Variants in C10orf90 observed in about 807,000 individuals in gnomAD.
The protein encoded by C10orf90 is (E2-independent) E3 ubiquitin-conjugating enzyme FATS.
Under a neutral mutation model 62.5 loss-of-function variants are expected in C10orf90, and 56 were observed. The observed-to-expected ratio is 0.90, with a 90% CI of 0.72 to 1.12. The LOEUF (loss-of-function observed/expected upper bound fraction) is 1.12, where lower values mean the gene tolerates loss of function less well. Ranked by LOEUF, C10orf90 falls within the 50% of genes most tolerant of loss-of-function variation. The pLI is 0.00. For synonymous variants in C10orf90, 386 were observed against 340.4 expected, an observed-to-expected ratio of 1.13 and a Z score of -1.47; for missense variants, 970 against 880.4, an observed-to-expected ratio of 1.10 and a Z score of -1.29.
rs1248228100 is a variant in C10orf90, at chr10:126,425,868, A to T, written c.2387T>A (p.Val796Asp). ...LLDQLLQRNA[V>D] Reference sequence around the variant, plus strand: ...GGTCAGCAGGGCAGCCTGTGGTTAGACCGCATTCCTTTGAAGGAGCTGGTC... The same window carrying T: ...GGTCAGCAGGGCAGCCTGTGGTTAGTCCGCATTCCTTTGAAGGAGCTGGTC... The change falls in exon 10 of 10, where the codon GTC becomes GAC. Residue 796 changes from valine (V) to aspartate (D), a missense_variant. Transcript: ENST00000488181. 2 of 1,614,074 alleles carry T rather than the reference A, an allele frequency of 1.2e-6. No individual in the cohort carries two copies. The highest frequency in any genetic ancestry group is 2.2e-5 in the East Asian group (1 of 44,852).
At chr10:126,619,231 C>T (rs1408168656) in intron 2 of C10orf90, among the ~76,000 whole-genome samples, 1 of 152,148 alleles carries the variant, frequency 6.6e-6, no homozygotes, top group Non-Finnish European at 1.5e-5. Flanking sequence ...CTCATTAATG[C>T]CTATTCAGAA....
rs149866472 is a variant in C10orf90 at position 126,504,301 on chromosome 10, C to A, written c.1190G>T (p.Arg397Ile). The change falls in exon 4 of 10, where the codon AGA becomes ATA. Residue 397 changes from arginine (R) to isoleucine (I), a missense_variant. Physicochemically the swap from Arg to Ile is moderately conservative, Grantham distance 97 (BLOSUM62 -3). Transcript: ENST00000488181. The surrounding 1 kb of genome is among the most constrained non-coding windows in gnomAD (Gnocchi z 4.1). ...GCCATCTACTCCATCTGCTGTTAAT[C>A]TGTGGGAACTACAATTGAGGTTGAG... ...LSLNLNCSSH[R>I]LTADGVDGLV... 74 of 1,614,110 alleles carry A rather than the reference C, an allele frequency of 4.6e-5. 1 individual carries two copies. In the South Asian group the frequency reaches 7.7e-4, roughly 17 times the overall value.
intron 1 of C10orf90, among the ~76,000 whole-genome samples, chr10:126,647,510 A>T (rs980016029): frequency 2.9e-4 from 44 of 152,324 alleles, no homozygotes; most frequent in Middle Eastern, 3.4e-3. Context: ...GCAGAGGGGA[A>T]TCTGTAGTCA....
chr10:126,524,481 T>C (rs1277909608), intron 2 of C10orf90: 1 of 321,960 alleles, frequency 3.1e-6, no homozygotes, highest in Non-Finnish European at 4.5e-6. Flanking sequence ...GGAATCCTGC[T>C]GGGAAGACTA....
chr10:126,662,021 T>G (rs1846525205), intron 1 of C10orf90, among the ~76,000 whole-genome samples: 1 of 152,094 alleles, frequency 6.6e-6, no homozygotes, highest in Admixed American at 6.6e-5. Flanking sequence ...TTTGAATGTT[T>G]AGTAATTTTG....
At chr10:126,495,264 C>T (rs10901618) in intron 4 of C10orf90, among the ~76,000 whole-genome samples, 37,328 of 152,100 alleles carry the variant, frequency 0.25, 5,080 homozygotes, top group East Asian at 0.48. Context: ...TGGCTCACAC[C>T]TGTAATCCTG....
At chr10:126,567,764 T>C (rs1012885159) in intron 2 of C10orf90, among the ~76,000 whole-genome samples, 1 of 152,042 alleles carries the variant, frequency 6.6e-6, no homozygotes, top group Non-Finnish European at 1.5e-5. Context: ...AACGCCAGAC[T>C]GGAGCAGGTG....
chr10:126,468,008 TC>T (rs1860381240), intron 4 of C10orf90, among the ~76,000 whole-genome samples: 1 of 151,916 alleles, frequency 6.6e-6, no homozygotes, highest in African/African-American at 2.4e-5. Context: ...CTCTTAATTT[TC>T]CCACCTATGT....
rs57184741 is a variant in C10orf90, at chr10:126,455,535, A to G, written c.2188+3505T>C. Among the ~76,000 whole-genome samples, 564 of 152,310 alleles carry G rather than the reference A, an allele frequency of 3.7e-3. 5 individuals are homozygous for G. Among genetic ancestry groups the G allele is most frequent in the African/African-American group, 0.013 (547 of 41,578 alleles). ...CCTAGCACTGTGTGGGTTCTCAAAC[A>G]AGGTACGCTGAAGAGATGGACAAAG... On this transcript the variant is annotated intron_variant, in intron 7 of 9. Coordinates refer to ENST00000488181, the MANE Select transcript of C10orf90 (RefSeq NM_001350921.2).
At chr10:126,483,809 A>G (rs1861285119) in intron 4 of C10orf90, among the ~76,000 whole-genome samples, 1 of 152,070 alleles carries the variant, frequency 6.6e-6, no homozygotes, top group Non-Finnish European at 1.5e-5. Context: ...CTAAACTTCC[A>G]ATACCATATT....
chr10:126,550,954 G>T (rs921582279), intron 2 of C10orf90, among the ~76,000 whole-genome samples: 3 of 152,304 alleles, frequency 2.0e-5, no homozygotes, highest in Admixed American at 1.3e-4. Flanking sequence ...TCCCTCTGAG[G>T]ATAACAGGGT....
chr10:126,630,566 G>A (rs147869390), intron 2 of C10orf90, among the ~76,000 whole-genome samples: 17 of 152,274 alleles, frequency 1.1e-4, no homozygotes, highest in African/African-American at 3.6e-4. Flanking sequence ...TAGACGCTCC[G>A]TGTGTCTGGT....
chr10:126,575,625 C>T (rs753713148), intron 2 of C10orf90, among the ~76,000 whole-genome samples: 1 of 151,766 alleles, frequency 6.6e-6, no homozygotes, highest in African/African-American at 2.4e-5. Flanking sequence ...CCAGCCAAAG[C>T]AATCCTGGTC....
intron 2 of C10orf90, among the ~76,000 whole-genome samples, chr10:126,515,570 A>G (rs1863395902): frequency 6.6e-6 from 1 of 152,226 alleles, no homozygotes; most frequent in South Asian, 2.1e-4. Context: ...GCCTAGGTGC[A>G]TAGGAGGCTA....
intron 2 of C10orf90, among the ~76,000 whole-genome samples, chr10:126,535,080 G>A (rs1440057499): frequency 2.6e-5 from 4 of 151,998 alleles, no homozygotes; most frequent in Non-Finnish European, 5.9e-5. Context: ...TGTGAGAGAA[G>A]TATTCACAAT....
chr10:126,668,034 T>A (rs1210356585), intron 1 of C10orf90, among the ~76,000 whole-genome samples: 1 of 152,060 alleles, frequency 6.6e-6, no homozygotes, highest in East Asian at 1.9e-4. Flanking sequence ...GGCTGGATCA[T>A]CCCTGGGCTG....
intron 2 of C10orf90, among the ~76,000 whole-genome samples, chr10:126,565,133 A>AATATTTATATTACATAATATGT (rs1844319009): frequency 4.6e-5 from 1 of 21,706 alleles, no homozygotes; most frequent in Non-Finnish European, 9.7e-5. Flanking sequence ...TATATAATAT[A>AATATTTATATTACATAATATGT]AATATAATAT....
At position 126,453,474 on chromosome 10, in the gene C10orf90, G is replaced by C. The variant is rs578158078; in HGVS notation, c.2188+5566C>G. Among the ~76,000 whole-genome samples, 48 of 148,458 alleles carry C rather than the reference G, an allele frequency of 3.2e-4. No homozygotes were observed. The highest frequency in any genetic ancestry group is 6.0e-4 in the Non-Finnish European group (40 of 66,142). ...GGGGAGAAAGAAGGATGGGAATCAG[G>C]ACGGCTTTGTAGAAGAAGGGGATGT... On this transcript the variant is annotated intron_variant, in intron 7 of 9. Coordinates refer to ENST00000488181, the MANE Select transcript of C10orf90 (RefSeq NM_001350921.2). The surrounding 1 kb of genome is among the most constrained non-coding windows in gnomAD (Gnocchi z 4.9).
At chr10:126,569,111 G>C (rs895689152) in intron 2 of C10orf90, among the ~76,000 whole-genome samples, 1 of 152,124 alleles carries the variant, frequency 6.6e-6, no homozygotes. Context: ...GGGAGAAAGA[G>C]TCTGGGAGCA....
Sources: allele counts gnomAD v4.1 joint callset (sites outside exome capture counted in the v4.1 genomes callset), GRCh38; gene constraint gnomAD v4.1.1; non-coding constraint Gnocchi (gnomAD v3.1); transcripts MANE v1.5; gene names NCBI Gene and HGNC (gene_info 2026-07-23, HGNC 2026-07-21).